The following KALRN variants were observed in gnomAD, a reference collection of about 807,000 sequenced individuals.
KALRN encodes the protein kalirin.
KALRN carries 70 observed loss-of-function variants against 353.7 expected under a neutral mutation model. The observed-to-expected ratio is 0.20, with a 90% CI of 0.16 to 0.24. The LOEUF (loss-of-function observed/expected upper bound fraction) is 0.24. Ranked by LOEUF, KALRN falls within the 10% of genes least tolerant of loss-of-function variation. The probability of loss-of-function intolerance (pLI) is 1.00; values close to 1 mark genes in which losing one functional copy is unlikely to be tolerated. For missense variants in KALRN, 2,791 were observed against 3,756.7 expected, an observed-to-expected ratio of 0.74 and a Z score of 6.72; for synonymous variants, 1,391 against 1,434.8, an observed-to-expected ratio of 0.97 and a Z score of 0.69.
At chr3:124,227,928 A>T in intron 1 of KALRN, 62 bp from the exon 2 acceptor site, 1 of 1,299,328 alleles carries the variant, frequency 7.7e-7, no homozygotes, top group East Asian at 2.3e-5. Flanking sequence ...TGAGGATGGG[A>T]CCTTGCGATT....
chr3:124,388,471 G>A (rs1484948829), intron 11 of KALRN, among the ~76,000 whole-genome samples: 5 of 152,050 alleles, frequency 3.3e-5, no homozygotes, highest in African/African-American at 7.2e-5. Context: ...TAGTACACAC[G>A]TGGCATTAGA....
intron 13 of KALRN, among the ~76,000 whole-genome samples, chr3:124,413,111 A>G (rs1329587728): frequency 2.6e-5 from 4 of 152,112 alleles, no homozygotes; most frequent in South Asian, 2.1e-4. Context: ...GTGAGGGTCA[A>G]CTTCCTCTCC....
At chr3:124,476,361 A>G (rs564747417) in intron 26 of KALRN, among the ~76,000 whole-genome samples, 6 of 151,506 alleles carry the variant, frequency 4.0e-5, no homozygotes, top group African/African-American at 7.3e-5. Flanking sequence ...TCATCTGCAA[A>G]CTGGGGATGA....
chr3:124,460,545 C>T (rs1238717173), intron 23 of KALRN, among the ~76,000 whole-genome samples: 8 of 152,194 alleles, frequency 5.3e-5, no homozygotes, highest in East Asian at 1.9e-4. Context: ...CTCATTTCAT[C>T]GCAATCTACA....
chr3:124,365,828 T>A (rs1422274987), intron 10 of KALRN, among the ~76,000 whole-genome samples: 1 of 152,214 alleles, frequency 6.6e-6, no homozygotes, highest in African/African-American at 2.4e-5. Flanking sequence ...TATATGATGG[T>A]GATAGGGAAG....
chr3:124,627,761 A>G (rs1366826711), intron 34 of KALRN, among the ~76,000 whole-genome samples: 1 of 152,188 alleles, frequency 6.6e-6, no homozygotes, highest in East Asian at 1.9e-4. Context: ...CAGTAGTTTG[A>G]CCCATACCAA....
At chr3:124,241,763 C>A (rs925378154) in intron 3 of KALRN, among the ~76,000 whole-genome samples, 7 of 152,136 alleles carry the variant, frequency 4.6e-5, no homozygotes, top group Admixed American at 1.3e-4. Context: ...AGTGCTCTGG[C>A]CTTCCAGCAT....
chr3:124,248,498 G>T (rs1469683799), intron 3 of KALRN, among the ~76,000 whole-genome samples: 1 of 152,188 alleles, frequency 6.6e-6, no homozygotes, highest in Admixed American at 6.5e-5. Context: ...TCTCACCAAG[G>T]AGCTATATTC....
chr3:124,618,255 G>A (rs1231070976), intron 34 of KALRN, among the ~76,000 whole-genome samples: 2 of 151,332 alleles, frequency 1.3e-5, no homozygotes, highest in South Asian at 2.1e-4. Flanking sequence ...GACTATAGGC[G>A]CCTGCCACCA....
chr3:124,146,890 A>AAG (rs2067424167), intron 1 of KALRN, among the ~76,000 whole-genome samples: 1 of 150,512 alleles, frequency 6.6e-6, no homozygotes, highest in African/African-American at 2.4e-5. Flanking sequence ...AAAAAAAAAA[A>AAG]AAAAGAAAAG....
chr3:124,637,914 T>C (rs1047006395), intron 37 of KALRN, among the ~76,000 whole-genome samples: 1 of 152,160 alleles, frequency 6.6e-6, no homozygotes, highest in African/African-American at 2.4e-5. Flanking sequence ...GTTGGAGGGA[T>C]AGGTGATGAG....
At chr3:124,213,713 C>T (rs1488831702) in intron 1 of KALRN, among the ~76,000 whole-genome samples, 1 of 152,040 alleles carries the variant, frequency 6.6e-6, no homozygotes, top group Non-Finnish European at 1.5e-5. Context: ...GGGATAAACC[C>T]TATTTGCATA....
rs538556913 is a variant in KALRN, at chr3:124,413,549, C to A, written c.2426C>A (p.Ala809Glu). 6.2e-7 allele frequency: 1 copy of A among 1,614,152 alleles called. No homozygotes were observed. The highest frequency in any genetic ancestry group is 2.2e-5 in the East Asian group (1 of 44,870). ...TTCAACACAGAGGACCTAACCCTGG[C>A]AGAACAGCGGCTGCAGCGCCACACA... ...NDFNTEDLTL[A>E]EQRLQRHTER... Residue 809 changes from alanine to glutamate, a missense_variant, in exon 14 of 60, where the codon GCA (alanine) becomes GAA (glutamate). Physicochemically the swap from Ala to Glu is moderately radical, Grantham distance 107 (BLOSUM62 -1). This residue lies in a region of KALRN where 452 missense variants were observed against 575.8 expected (regional missense o/e 0.78). Coordinates refer to ENST00000682506, the MANE Select transcript of KALRN (RefSeq NM_001388419.1).
At chr3:124,368,698 A>G (rs11916211) in intron 10 of KALRN, among the ~76,000 whole-genome samples, 82,859 of 138,776 alleles carry the variant, frequency 0.6, 25,226 homozygotes, top group East Asian at 0.89. Flanking sequence ...CACTTTGGGA[A>G]GCCAAGGCAG....
intron 16 of KALRN, among the ~76,000 whole-genome samples, chr3:124,431,694 CTAAAAAAAAAATTGTTAAT>C (rs1471979505): frequency 6.6e-6 from 1 of 151,788 alleles, no homozygotes; most frequent in African/African-American, 2.4e-5. Context: ...TTATCTTTTA[CTAAAAAAAAAATTGTTAAT>C]GAGTCATTTC....
intron 34 of KALRN, among the ~76,000 whole-genome samples, chr3:124,630,380 G>GTGTTTGTTTGTTTGTT (rs140992996): frequency 5.3e-5 from 8 of 150,082 alleles, no homozygotes; most frequent in South Asian, 4.3e-4. Flanking sequence ...AGGCCCAGTA[G>GTGTTTGTTTGTTTGTT]TGTTTGTTTG....
At chr3:124,526,666 T>G (rs753668810) in intron 33 of KALRN, among the ~76,000 whole-genome samples, 8 of 152,134 alleles carry the variant, frequency 5.3e-5, no homozygotes, top group Non-Finnish European at 1.0e-4. Context: ...GTAGCACCAC[T>G]AGTCACATCT....
At chr3:124,375,154 A>G (rs1200527971) in intron 10 of KALRN, among the ~76,000 whole-genome samples, 2 of 152,142 alleles carry the variant, frequency 1.3e-5, no homozygotes, top group Non-Finnish European at 2.9e-5. Flanking sequence ...TATGTTATCA[A>G]ATTCCAGGAG....
intron 11 of KALRN, among the ~76,000 whole-genome samples, chr3:124,387,443 G>A (rs1366032580): frequency 6.6e-6 from 1 of 152,146 alleles, no homozygotes; most frequent in Non-Finnish European, 1.5e-5. Flanking sequence ...TAAAATTCCA[G>A]TTTTACAAAT....
Sources: gnomAD v4.1 joint callset for allele counts (sites outside exome capture counted in the v4.1 genomes callset) on GRCh38, gnomAD v4.1.1 for gene constraint, gnomAD v4.1.1 regional missense constraint, MANE v1.5 for transcripts, NCBI Gene and HGNC (gene_info 2026-07-23, HGNC 2026-07-21) for gene names.